TRDMT1: variants seen among roughly 807,000 people sequenced by gnomAD.
TRDMT1 encodes tRNA aspartic acid methyltransferase 1.
TRDMT1 carries 49 observed loss-of-function variants against 51.2 expected under a neutral mutation model. That is an observed-to-expected ratio of 0.96 (90% CI 0.76 to 1.21). The LOEUF (loss-of-function observed/expected upper bound fraction) is 1.21, where lower values mean the gene tolerates loss of function less well. Ranked by LOEUF, TRDMT1 falls within the 50% of genes most tolerant of loss-of-function variation. The pLI, the probability that TRDMT1 is intolerant of heterozygous loss-of-function variation, is 0.00. For synonymous variants in TRDMT1, 187 were observed against 164.6 expected (o/e 1.14, Z -1.04); for missense variants, 534 against 462.3 (o/e 1.16, Z -1.42).
rs1327193079 is a variant in TRDMT1, at chr10:17,145,337, G to A, written c.*3703C>T. On this transcript the variant is annotated 3_prime_UTR_variant, in exon 11 of 11. Coordinates refer to ENST00000377799, the MANE Select transcript of TRDMT1 (RefSeq NM_004412.7). ...GGCATAACTAGACATCTTGGTGGGTGTGACAGAGGTCCAGAAAAGTGCTTG... is the reference window on the plus strand; with the variant it reads ...GGCATAACTAGACATCTTGGTGGGTATGACAGAGGTCCAGAAAAGTGCTTG... The A allele has an allele frequency of 2.0e-6, 2 of 985,470 alleles. No individual in the cohort carries two copies. Among genetic ancestry groups the A allele is most frequent in the African/African-American group, 3.5e-5 (2 of 57,362 alleles). The allele number at this position is 985,470 out of a possible 1,614,324, so 61.0% of individuals were successfully genotyped here. A position where few individuals can be genotyped will look rare whatever the true frequency, so the allele number is the denominator to read the frequency against.
chr10:17,192,716 G>A (rs993115169), intron 1 of TRDMT1, among the ~76,000 whole-genome samples: 3 of 152,150 alleles, frequency 2.0e-5, no homozygotes, highest in South Asian at 2.1e-4. Flanking sequence ...TACATTTCAC[G>A]TGTCTTGAGA....
At position 17,141,039 on chromosome 10, in the gene TRDMT1, T is replaced by C. The variant is rs1410769267; in HGVS notation, c.*8001A>G. 6.6e-6 allele frequency among the ~76,000 whole-genome samples: 1 copy of C among 152,260 alleles called. No homozygotes were observed. The highest frequency in any genetic ancestry group is 1.5e-5 in the Non-Finnish European group (1 of 68,040). On this transcript the variant is annotated 3_prime_UTR_variant, in exon 11 of 11. Transcript: ENST00000377799. Reference sequence around the variant, plus strand: ...TCTTGAAGGATAGTTTGGCTAGATATAGAATTCATAGTTGACAATGCCACC... The same window carrying C: ...TCTTGAAGGATAGTTTGGCTAGATACAGAATTCATAGTTGACAATGCCACC...
intron 2 of TRDMT1, chr10:17,169,516 A>T: frequency 7.8e-7 from 1 of 1,289,816 alleles, no homozygotes; most frequent in Non-Finnish European, 1.0e-6. Context: ...AAGTAGCTGA[A>T]AACTGTGCTG....
chr10:17,172,405 C>G (rs565830814), intron 2 of TRDMT1, among the ~76,000 whole-genome samples: 2 of 152,148 alleles, frequency 1.3e-5, no homozygotes, highest in East Asian at 1.9e-4. Context: ...TGCCTGTAAT[C>G]CCAGCACTTT....
chr10:17,199,996 T>C (rs983041611), intron 1 of TRDMT1, among the ~76,000 whole-genome samples: 2 of 152,222 alleles, frequency 1.3e-5, no homozygotes, highest in Non-Finnish European at 2.9e-5. Context: ...ATATCCCTGA[T>C]GAATATGTAG....
Position 17,144,736 on chromosome 10 carries a change from T to C in TRDMT1, c.*4304A>G. On this transcript the variant is annotated 3_prime_UTR_variant, in exon 11 of 11. Transcript: ENST00000377799. ...TGATTGTGTAAGATTTTGAAGAGCA[T>C]GAGTACCTTAAAATGTTCCTAGACA... The C allele has an allele frequency of 1.0e-6, 1 of 985,334 alleles. No homozygotes were observed. The highest frequency in any genetic ancestry group is 1.2e-6 in the Non-Finnish European group (1 of 829,912). The allele number at this position is 985,334 out of a possible 1,614,324, so 61.0% of individuals were successfully genotyped here.
intron 1 of TRDMT1, among the ~76,000 whole-genome samples, chr10:17,178,745 A>T (rs1302203843): frequency 6.6e-6 from 1 of 152,124 alleles, no homozygotes; most frequent in Non-Finnish European, 1.5e-5. Flanking sequence ...AGAATAAAAT[A>T]AAAAATACAT....
chr10:17,151,794 CAG>C (rs1588703391), intron 10 of TRDMT1: 1 of 824,612 alleles, frequency 1.2e-6, no homozygotes, highest in East Asian at 1.2e-4. Context: ...CATTATGTCT[CAG>C]ATATTAGATA....
At chr10:17,194,837 G>T (rs1248321171) in intron 1 of TRDMT1, among the ~76,000 whole-genome samples, 2 of 148,796 alleles carry the variant, frequency 1.3e-5, no homozygotes, top group Admixed American at 1.4e-4. Context: ...GGAGGCTCAG[G>T]CAGGAGAATA....
rs1007810023 is a variant in TRDMT1, at chr10:17,196,827, T to G, written c.64+4744A>C. Among the ~76,000 whole-genome samples the G allele has an allele frequency of 4.6e-5, 7 of 152,048 alleles. No individual in the cohort carries two copies. The East Asian group carries it at 7.7e-4, about 17-fold the overall frequency. ...TGCATCCACATGATAAGACCTCAGT[T>G]TAGAGTTAGCAGTGTGAGGAGAGAC... On this transcript the variant is annotated intron_variant, in intron 1 of 10. Coordinates refer to ENST00000377799, the MANE Select transcript of TRDMT1 (RefSeq NM_004412.7).
rs1285169416 is a variant in TRDMT1 at position 17,141,716 on chromosome 10, CT to C, written c.*7323del. Among the ~76,000 whole-genome samples, 6 of 152,132 alleles carry C rather than the reference CT, an allele frequency of 3.9e-5. No homozygotes were observed. The highest frequency in any genetic ancestry group is 8.8e-5 in the Non-Finnish European group (6 of 68,034). Reference sequence around the variant, plus strand: ...ATTTCTATCTTCTGTCATTTCCTCTCTACTACTGATCTCAAGTTTAGCAAAA... The same window carrying C: ...ATTTCTATCTTCTGTCATTTCCTCTCACTACTGATCTCAAGTTTAGCAAAA... On this transcript the variant is annotated 3_prime_UTR_variant, in exon 11 of 11. Transcript: ENST00000377799.
chr10:17,144,958 C>T lies in TRDMT1; in HGVS notation c.*4082G>A. On this transcript the variant is annotated 3_prime_UTR_variant, in exon 11 of 11. Coordinates refer to ENST00000377799, the MANE Select transcript of TRDMT1 (RefSeq NM_004412.7). The stretch of plus-strand genomic sequence containing the variant: ...GCTTAATGCCTTTTTAAAAAACATG[C>T]AAAGGGAGGCTGGGCGTGGTGGCTC... 1 of 985,132 alleles carries T rather than the reference C, an allele frequency of 1.0e-6. No individual in the cohort carries two copies. Among genetic ancestry groups the T allele is most frequent in the Non-Finnish European group, 1.2e-6 (1 of 829,882 alleles). 61.0% of individuals were successfully genotyped at this position (985,132 alleles called of 1,614,324 possible).
rs917461096 is a variant in TRDMT1 at position 17,147,580 on chromosome 10, G to C, written c.*1460C>G. On this transcript the variant is annotated 3_prime_UTR_variant, in exon 11 of 11. Coordinates refer to ENST00000377799, the MANE Select transcript of TRDMT1 (RefSeq NM_004412.7). ...ACCCATTCTCCATCCCCACAGGGTG[G>C]CTTATTTCACTTCGCATAATGTACT... The C allele has an allele frequency of 1.9e-5, 3 of 159,432 alleles. No homozygotes were observed. Among genetic ancestry groups the C allele is most frequent in the African/African-American group, 7.2e-5 (3 of 41,572 alleles). The allele number at this position is 159,432 out of a possible 1,614,324, so 9.9% of individuals were successfully genotyped here.
At chr10:17,162,564 C>T (rs373978565) in intron 3 of TRDMT1, among the ~76,000 whole-genome samples, 47 of 152,120 alleles carry the variant, frequency 3.1e-4, no homozygotes, top group African/African-American at 1.1e-3. Context: ...AAAATTAGGC[C>T]GAGCGTGGTG....
At chr10:17,189,049 G>A (rs983951809) in intron 1 of TRDMT1, among the ~76,000 whole-genome samples, 2 of 152,090 alleles carry the variant, frequency 1.3e-5, no homozygotes, top group Admixed American at 6.5e-5. Flanking sequence ...GTTTATCCAA[G>A]CAGTACTTTA....
intron 1 of TRDMT1, among the ~76,000 whole-genome samples, chr10:17,177,356 C>T (rs1392947835): frequency 6.6e-6 from 1 of 151,916 alleles, no homozygotes; most frequent in African/African-American, 2.4e-5. Context: ...CACTTGCCAC[C>T]ACACCCAGCT....
At chr10:17,201,329 C>A in intron 1 of TRDMT1, 1 of 499,606 alleles carries the variant, frequency 2.0e-6, no homozygotes, top group Non-Finnish European at 3.5e-6. Context: ...CCAACTGGGC[C>A]CTTTGAGGCG....
chr10:17,201,470 T>TGTCCGCCCCACAGG, intron 1 of TRDMT1, 101 bp downstream of exon 1: 3 of 1,291,984 alleles, frequency 2.3e-6, no homozygotes, highest in Non-Finnish European at 3.2e-6. Flanking sequence ...CGCCCCACAG[T>TGTCCGCCCCACAGG]GTCCGCCCCT....
intron 1 of TRDMT1, among the ~76,000 whole-genome samples, chr10:17,192,818 A>G (rs1844876824): frequency 6.6e-6 from 1 of 152,186 alleles, no homozygotes; most frequent in South Asian, 2.1e-4. Context: ...GATCCTCTCA[A>G]AAGATGTGGA....
Sources: allele counts gnomAD v4.1 joint callset (sites outside exome capture counted in the v4.1 genomes callset), GRCh38; gene constraint gnomAD v4.1.1; transcripts MANE v1.5; gene names NCBI Gene and HGNC (gene_info 2026-07-23, HGNC 2026-07-21).